Variants in HS6ST3 observed in about 807,000 individuals in gnomAD.
HS6ST3 encodes the protein heparan-sulfate 6-O-sulfotransferase 3.
Under a neutral mutation model 36.7 loss-of-function variants are expected in HS6ST3, and 12 were observed. The observed-to-expected ratio is 0.33, with a 90% CI of 0.21 to 0.53. The LOEUF is 0.53. Ranked by LOEUF, HS6ST3 falls within the 20% of genes least tolerant of loss-of-function variation. The pLI, the probability that HS6ST3 is intolerant of heterozygous loss-of-function variation, is 0.95. For missense variants in HS6ST3, 584 were observed against 640.9 expected (o/e 0.91, Z 0.96); for synonymous variants, 240 against 257.5 (o/e 0.93, Z 0.65).
chr13:96,587,536 C>T (rs2056366560), intron 1 of HS6ST3, among the ~76,000 whole-genome samples: 1 of 152,204 alleles, frequency 6.6e-6, no homozygotes, highest in African/African-American at 2.4e-5. Context: ...CAAACTGCAT[C>T]ATTACAAGAT....
chr13:96,743,071 T>C (rs1440867981), intron 1 of HS6ST3, among the ~76,000 whole-genome samples: 1 of 152,040 alleles, frequency 6.6e-6, no homozygotes, highest in East Asian at 1.9e-4. Flanking sequence ...GTAATGTTAG[T>C]ACTTATTTTT....
At chr13:96,649,497 T>C (rs2056600219) in intron 1 of HS6ST3, among the ~76,000 whole-genome samples, 1 of 152,054 alleles carries the variant, frequency 6.6e-6, no homozygotes, top group Non-Finnish European at 1.5e-5. Context: ...ATCTCTCTAG[T>C]TGTTCAGAAA....
intron 1 of HS6ST3, among the ~76,000 whole-genome samples, chr13:96,199,570 G>A (rs943560): frequency 0.52 from 79,222 of 151,896 alleles, 20,750 homozygotes; most frequent in Admixed American, 0.59. Flanking sequence ...AAGAAATGAG[G>A]ACCATTAAAT....
chr13:96,119,085 T>G (rs1434295181), intron 1 of HS6ST3, among the ~76,000 whole-genome samples: 18 of 152,196 alleles, frequency 1.2e-4, no homozygotes, highest in Admixed American at 1.2e-3. Context: ...TGTTACTAAA[T>G]GCATGCAAAT....
chr13:96,356,586 G>A (rs2055211476), intron 1 of HS6ST3, among the ~76,000 whole-genome samples: 1 of 152,112 alleles, frequency 6.6e-6, no homozygotes, highest in Non-Finnish European at 1.5e-5. Context: ...TTCTTTCTTA[G>A]CAGTAGGTCT....
chr13:96,472,044 CCT>C lies in HS6ST3; in HGVS notation c.708-360445_708-360444del, dbSNP rs1423097333. Among the ~76,000 whole-genome samples the C allele has an allele frequency of 3.9e-5, 6 of 152,130 alleles. No homozygotes were observed. In the South Asian group the frequency reaches 8.3e-4, roughly 21 times the overall value. On this transcript the variant is annotated intron_variant, in intron 1 of 1. Coordinates refer to ENST00000376705, the MANE Select transcript of HS6ST3 (RefSeq NM_153456.4). ...TGGAAACATGGGCTGCTTCTAAAGG[CCT>C]GGGCTCAGAAGTAGCAGCTGTCACT...
chr13:96,594,213 AT>A, intron 1 of HS6ST3, among the ~76,000 whole-genome samples: 2 of 151,744 alleles, frequency 1.3e-5, no homozygotes, highest in African/African-American at 4.8e-5. Flanking sequence ...TTCAGGTGAT[AT>A]GCCGGCTTGG....
intron 1 of HS6ST3, among the ~76,000 whole-genome samples, chr13:96,648,481 TTC>T (rs1188978570): frequency 8.0e-5 from 1 of 12,568 alleles, no homozygotes; most frequent in Non-Finnish European, 2.4e-4. Flanking sequence ...ACTTTCCACT[TTC>T]TTTTTTTTTT....
chr13:96,409,727 A>G (rs1314617362), intron 1 of HS6ST3, among the ~76,000 whole-genome samples: 2 of 152,200 alleles, frequency 1.3e-5, no homozygotes, highest in African/African-American at 4.8e-5. Flanking sequence ...AAGCGGATCT[A>G]TCTATTTTGC....
intron 1 of HS6ST3, among the ~76,000 whole-genome samples, chr13:96,464,241 C>A (rs2055801224): frequency 1.3e-5 from 2 of 150,738 alleles, no homozygotes; most frequent in South Asian, 2.1e-4. Flanking sequence ...GCTTCCTTAC[C>A]CCCCTACCCA....
At chr13:96,745,072 T>C (rs1260768777) in intron 1 of HS6ST3, among the ~76,000 whole-genome samples, 2 of 152,084 alleles carry the variant, frequency 1.3e-5, no homozygotes, top group Non-Finnish European at 2.9e-5. Context: ...CCAGAAATTG[T>C]ATGATTCATA....
chr13:96,154,016 T>C (rs1267658611), intron 1 of HS6ST3, among the ~76,000 whole-genome samples: 1 of 152,176 alleles, frequency 6.6e-6, no homozygotes, highest in South Asian at 2.1e-4. Context: ...AGTTGTAATA[T>C]GGGAAAGCTA....
intron 1 of HS6ST3, among the ~76,000 whole-genome samples, chr13:96,479,201 GCCTAAACGGGTT>G (rs2055878205): frequency 6.6e-6 from 1 of 152,224 alleles, no homozygotes; most frequent in African/African-American, 2.4e-5. Context: ...GGAAGCGTTT[GCCTAAACGGGTT>G]CCTAAGGAAT....
At chr13:96,102,924 ACTG>A (rs1022451867) in intron 1 of HS6ST3, among the ~76,000 whole-genome samples, 2 of 152,222 alleles carry the variant, frequency 1.3e-5, no homozygotes, top group African/African-American at 4.8e-5. Context: ...TAGGCAGACA[ACTG>A]CTAATAATTC....
chr13:96,591,367 T>C (rs933225460), intron 1 of HS6ST3, among the ~76,000 whole-genome samples: 4 of 152,102 alleles, frequency 2.6e-5, no homozygotes, highest in Admixed American at 2.6e-4. Context: ...CCTCTTCAAT[T>C]TTTTTATCAG....
At chr13:96,425,402 T>G (rs1458893906) in intron 1 of HS6ST3, among the ~76,000 whole-genome samples, 1 of 152,178 alleles carries the variant, frequency 6.6e-6, no homozygotes, top group Non-Finnish European at 1.5e-5. Context: ...AAGTCCATAT[T>G]TGGCTTTTCA....
intron 1 of HS6ST3, among the ~76,000 whole-genome samples, chr13:96,337,334 C>T (rs1344500920): frequency 1.3e-5 from 2 of 152,206 alleles, no homozygotes; most frequent in Non-Finnish European, 2.9e-5. Context: ...CTCGGCCTCC[C>T]AAAGTCCTGG....
intron 1 of HS6ST3, among the ~76,000 whole-genome samples, chr13:96,410,806 C>A (rs2055503840): frequency 6.6e-6 from 1 of 152,166 alleles, no homozygotes; most frequent in Non-Finnish European, 1.5e-5. Context: ...AGACTGGAAG[C>A]AAATACATCT....
At chr13:96,152,372 C>G (rs1031570597) in intron 1 of HS6ST3, among the ~76,000 whole-genome samples, 1 of 136,044 alleles carries the variant, frequency 7.4e-6, no homozygotes, top group African/African-American at 2.8e-5. Flanking sequence ...GAGTCTCGCT[C>G]TGTCCCCCAG....
Sources: allele counts gnomAD v4.1 joint callset (sites outside exome capture counted in the v4.1 genomes callset), GRCh38; gene constraint gnomAD v4.1.1; transcripts MANE v1.5; gene names NCBI Gene and HGNC (gene_info 2026-07-23, HGNC 2026-07-21).